Variants in NR2F6 observed in about 807,000 individuals in gnomAD.
NR2F6 encodes the protein nuclear receptor subfamily 2 group F member 6.
A neutral mutation model predicts 26.5 loss-of-function variants in NR2F6; 16 were observed. The ratio of observed to expected loss-of-function variants is 0.60; its 90% CI spans 0.41 to 0.92. The LOEUF is 0.92. Ranked by LOEUF, NR2F6 falls within the 40% of genes least tolerant of loss-of-function variation. NR2F6 has a pLI of 0.00. For missense variants in NR2F6, 536 were observed against 631.7 expected (o/e 0.85, Z 1.62); for synonymous variants, 325 against 305.0 (o/e 1.07, Z -0.68).
At position 17,232,262 on chromosome 19, in the gene NR2F6, G is replaced by C. The variant is rs55804604; in HGVS notation, c.*90C>G. ...TCTGAGGAGAGAAGCCAGAGTCCTG[G>C]GCCCCGGGAGGCCCCTCGAGGCCTC... On this transcript the variant is annotated 3_prime_UTR_variant, in exon 4 of 4. Coordinates refer to ENST00000291442, the MANE Select transcript of NR2F6 (RefSeq NM_005234.4). 254 of 1,545,568 alleles carry C rather than the reference G, an allele frequency of 1.6e-4. No homozygotes were observed. Among genetic ancestry groups the C allele is most frequent in the Non-Finnish European group, 2.1e-4 (236 of 1,141,796 alleles).
intron 1 of NR2F6, among the ~76,000 whole-genome samples, chr19:17,242,649 A>G (rs909879884): frequency 6.6e-6 from 1 of 152,198 alleles, no homozygotes; most frequent in East Asian, 1.9e-4. Flanking sequence ...GCTCAGGCAG[A>G]ACCAGAACAA....
In NR2F6 at chr19:17,231,926, T is replaced by A. The variant is rs1313844641; in HGVS notation, c.*426A>T. ...CTTTATTATTGGCCTTGAGTCATCA[T>A]GTAGTGTCTGACATAGGTTACGTGT... On this transcript the variant is annotated 3_prime_UTR_variant, in exon 4 of 4. Transcript: ENST00000291442. 5.3e-6 allele frequency: 1 copy of A among 187,586 alleles called. No individual in the cohort carries two copies. Among genetic ancestry groups the A allele is most frequent in the African/African-American group, 2.4e-5 (1 of 41,906 alleles). The allele number at this position is 187,586 out of a possible 1,614,324, so 11.6% of individuals were successfully genotyped here. A position where few individuals can be genotyped will look rare whatever the true frequency, so the allele number is the denominator to read the frequency against.
At chr19:17,238,759 G>C (rs915983658) in intron 2 of NR2F6, among the ~76,000 whole-genome samples, 1 of 152,102 alleles carries the variant, frequency 6.6e-6, no homozygotes, top group East Asian at 1.9e-4. Context: ...CTCCCACCAA[G>C]GCCTAGACCA....
rs2145570698 is a variant in NR2F6 at position 17,245,152 on chromosome 19, G to A, written c.69C>T (p.Gly23=). The change falls in exon 1 of 4, where the codon GGC becomes GGT. Residue 23 remains glycine, a synonymous_variant. Coordinates refer to ENST00000291442, the MANE Select transcript of NR2F6 (RefSeq NM_005234.4). This position sits in a 1 kb window ranked among gnomAD's most constrained non-coding sequence, Gnocchi z 5.0. ...AGTCGTCCTCGGCCGCGCGCGGGTA[G>A]CCGCCCGCCTTGTCCACGCCGTTCG... ...GDTNGVDKAG[G]YPRAAEDDSA... The A allele has an allele frequency of 7.0e-7, 1 of 1,429,966 alleles. No individual in the cohort carries two copies. The highest frequency in any genetic ancestry group is 9.1e-7 in the Non-Finnish European group (1 of 1,096,238). 88.6% of individuals were successfully genotyped at this position (1,429,966 alleles called of 1,614,324 possible).
intron 1 of NR2F6, among the ~76,000 whole-genome samples, chr19:17,242,390 G>A (rs943877548): frequency 6.6e-5 from 10 of 152,146 alleles, no homozygotes; most frequent in African/African-American, 1.2e-4. Flanking sequence ...CTCAGGTGGC[G>A]ACTGCCCCAC....
rs1393989114 is a variant in NR2F6, at chr19:17,244,932, G to C, written c.278+11C>G. ...GGGTGCACGGCGGCGGCGCGCGGAT[G>C]GGGGGCTCACCGGCAGGTGTAGCTG... On this transcript the variant is annotated intron_variant, in intron 1 of 3. Transcript: ENST00000291442. 5.1e-6 allele frequency: 8 copies of C among 1,563,074 alleles called. No homozygotes were observed. The African/African-American group carries it at 5.4e-5, about 11-fold the overall frequency.
Position 17,235,484 on chromosome 19 carries a change from C to A in NR2F6, c.940+15G>T, listed in dbSNP as rs747080094. The A allele has an allele frequency of 6.4e-7, 1 of 1,570,236 alleles. No homozygotes were observed. The highest frequency in any genetic ancestry group is 1.2e-5 in the South Asian group (1 of 86,894). On this transcript the variant is annotated intron_variant, in intron 3 of 3. Coordinates refer to ENST00000291442, the MANE Select transcript of NR2F6 (RefSeq NM_005234.4). The surrounding 1 kb of genome is among the most constrained non-coding windows in gnomAD (Gnocchi z 5.0). ...GGTCCCCCCATCCCGCGGCCCTCTT[C>A]GGAGCGTGGCTCACCGGGCGTGAAG...
chr19:17,243,852 C>T (rs1190976739), intron 1 of NR2F6, among the ~76,000 whole-genome samples: 1 of 152,206 alleles, frequency 6.6e-6, no homozygotes, highest in Non-Finnish European at 1.5e-5. Flanking sequence ...CGGGCAGCGT[C>T]CCTCCATGTC....
Position 17,235,716 on chromosome 19 carries a change from C to G in NR2F6, c.723G>C (p.Glu241Asp). Reference sequence around the variant, plus strand: ...CCTGCGCCGCGTTCAGCACGAAGAGCTCGCTCCAGCTCAGGCGCAGCAGCG... The same window carrying G: ...CCTGCGCCGCGTTCAGCACGAAGAGGTCGCTCCAGCTCAGGCGCAGCAGCG... ...QVALLRLSWS[E>D]LFVLNAAQAA... The change falls in exon 3 of 4, where the codon GAG becomes GAC. Residue 241 changes from glutamate (E) to aspartate (D), a missense_variant. Physicochemically the swap from Glu to Asp is conservative, Grantham distance 45. Coordinates refer to ENST00000291442, the MANE Select transcript of NR2F6 (RefSeq NM_005234.4). This position sits in a 1 kb window ranked among gnomAD's most constrained non-coding sequence, Gnocchi z 5.0. The G allele has an allele frequency of 6.7e-7, 1 of 1,500,030 alleles. No individual in the cohort carries two copies. The highest frequency in any genetic ancestry group is 2.7e-5 in the East Asian group (1 of 36,774). The allele number at this position is 1,500,030 out of a possible 1,614,324, so 92.9% of individuals were successfully genotyped here.
intron 2 of NR2F6, among the ~76,000 whole-genome samples, chr19:17,238,936 C>T (rs1199678511): frequency 6.6e-6 from 1 of 152,140 alleles, no homozygotes; most frequent in Non-Finnish European, 1.5e-5. Flanking sequence ...TGGGGTGGCT[C>T]ATGCCTATAA....
At chr19:17,232,744 G>T in intron 3 of NR2F6, 118 bp from the exon 4 acceptor site, 2 of 1,247,532 alleles carry the variant, frequency 1.6e-6, no homozygotes, top group Non-Finnish European at 1.1e-6. Context: ...CGGGCATGAT[G>T]GCTCACGGCC....
intron 1 of NR2F6, among the ~76,000 whole-genome samples, chr19:17,241,111 C>T (rs1021021024): frequency 2.6e-5 from 4 of 152,194 alleles, no homozygotes; most frequent in Non-Finnish European, 4.4e-5. Context: ...TTGAAATACA[C>T]AAATATGGAG....
intron 2 of NR2F6, among the ~76,000 whole-genome samples, chr19:17,239,465 G>T (rs1256463686): frequency 6.6e-6 from 1 of 151,974 alleles, no homozygotes; most frequent in Non-Finnish European, 1.5e-5. Context: ...GACCATCCTG[G>T]CTAACATGGT....
chr19:17,233,199 C>A (rs2073417355), intron 3 of NR2F6, among the ~76,000 whole-genome samples: 1 of 152,046 alleles, frequency 6.6e-6, no homozygotes, highest in Non-Finnish European at 1.5e-5. Flanking sequence ...CGCTTGTAGT[C>A]CCAGCTCCTC....
chr19:17,238,417 T>A (rs1289522885), intron 2 of NR2F6, among the ~76,000 whole-genome samples: 1 of 151,968 alleles, frequency 6.6e-6, no homozygotes, highest in Non-Finnish European at 1.5e-5. Flanking sequence ...GAGCAAACCT[T>A]GAAGGCAAGG....
Position 17,232,570 on chromosome 19 carries a change from C to T in NR2F6, c.997G>A (p.Val333Met). ...GCCCGCACATACTCGGTGAGGGCCA[C>T]CTGCGCCTTCTCCTGCAGGCTCTCA... ...HVESLQEKAQ[V>M]ALTEYVRAQY... The change falls in exon 4 of 4, where the codon GTG becomes ATG. Residue 333 changes from valine to methionine, a missense_variant. Coordinates refer to ENST00000291442, the MANE Select transcript of NR2F6 (RefSeq NM_005234.4). 6.3e-7 allele frequency: 1 copy of T among 1,585,490 alleles called. No individual in the cohort carries two copies. The highest frequency in any genetic ancestry group is 1.1e-5 in the South Asian group (1 of 88,088).
chr19:17,241,075 G>A (rs538079105), intron 1 of NR2F6, among the ~76,000 whole-genome samples: 11 of 152,232 alleles, frequency 7.2e-5, no homozygotes, highest in Non-Finnish European at 1.5e-4. Flanking sequence ...TGATCCCAGA[G>A]AGAGGGTACA....
intron 1 of NR2F6, among the ~76,000 whole-genome samples, chr19:17,242,313 C>T (rs574134494): frequency 1.3e-5 from 2 of 152,230 alleles, no homozygotes; most frequent in East Asian, 1.9e-4. Context: ...AGTGAAACTC[C>T]GTCTCAAAAA....
At chr19:17,237,268 C>G (rs967932681) in intron 2 of NR2F6, among the ~76,000 whole-genome samples, 6 of 152,254 alleles carry the variant, frequency 3.9e-5, no homozygotes, top group Non-Finnish European at 8.8e-5. Context: ...AAGCTTCCTC[C>G]CGCTTTGTTC....
Sources: allele counts gnomAD v4.1 joint callset (sites outside exome capture counted in the v4.1 genomes callset), GRCh38; gene constraint gnomAD v4.1.1; non-coding constraint Gnocchi (gnomAD v3.1); transcripts MANE v1.5; gene names NCBI Gene and HGNC (gene_info 2026-07-23, HGNC 2026-07-21).